ITIH2: variants seen among roughly 807,000 people sequenced by gnomAD.
The protein encoded by ITIH2 is inter-alpha-trypsin inhibitor heavy chain 2, also known as inter-alpha-trypsin inhibitor heavy chain H2.
Under a neutral mutation model 104.4 loss-of-function variants are expected in ITIH2, and 103 were observed. The ratio of observed to expected loss-of-function variants is 0.99; its 90% CI spans 0.84 to 1.16. The LOEUF is 1.16. Ranked by LOEUF, ITIH2 falls within the 50% of genes most tolerant of loss-of-function variation. The probability of loss-of-function intolerance (pLI) is 0.00; values close to 1 mark genes in which losing one functional copy is unlikely to be tolerated. For missense variants in ITIH2, 1,108 were observed against 1,162.4 expected (o/e 0.95, Z 0.68); for synonymous variants, 436 against 435.4 (o/e 1.00, Z -0.02).
intron 15 of ITIH2, among the ~76,000 whole-genome samples, chr10:7,738,417 C>A (rs1835092352): frequency 6.7e-6 from 1 of 149,708 alleles, no homozygotes; most frequent in Non-Finnish European, 1.5e-5. Context: ...TGCTCAGGTT[C>A]CAGACTCCAG....
chr10:7,744,091 T>C lies in ITIH2; in HGVS notation c.2219T>C (p.Val740Ala), dbSNP rs757817123. 1 of 1,613,792 alleles carries C rather than the reference T, an allele frequency of 6.2e-7. No homozygotes were observed. The highest frequency in any genetic ancestry group is 8.5e-7 in the Non-Finnish European group (1 of 1,179,782). The change falls in exon 18 of 21, where the codon GTC (valine) becomes GCC (alanine). Residue 740 changes from valine to alanine, a missense_variant. Physicochemically the swap from Val to Ala is moderately conservative, Grantham distance 64. Transcript: ENST00000358415. ...LVSDPESGIVVNGQLVGAKKP... is the reference protein window; with the variant it reads ...LVSDPESGIVANGQLVGAKKP... ...TTTTTCTTTCCTGTAGGAATTGTAG[T>C]CAACGGTCAGCTTGTTGGTGCCAAG...
chr10:7,706,946 A>T (rs749173920), intron 2 of ITIH2, among the ~76,000 whole-genome samples: 23 of 152,170 alleles, frequency 1.5e-4, no homozygotes, highest in Non-Finnish European at 3.2e-4. Flanking sequence ...TTTATTTAAA[A>T]ATTACTTGTT....
At chr10:7,721,090 T>C (rs1298850581) in intron 7 of ITIH2, 127 bp downstream of exon 7, 2 of 652,594 alleles carry the variant, frequency 3.1e-6, no homozygotes, top group Non-Finnish European at 5.5e-6. Context: ...GAAATGGGGA[T>C]CCCCAAGTAG....
At position 7,719,782 on chromosome 10, in the gene ITIH2, A is replaced by AAAAAAAC. The variant is rs754890159; in HGVS notation, c.631-1073_631-1072insAAAAACA. Among the ~76,000 whole-genome samples the AAAAAAAC allele has an allele frequency of 9.9e-4, 136 of 137,120 alleles. 3 individuals carry two copies. The highest frequency in any genetic ancestry group is 3.2e-3 in the African/African-American group (112 of 34,922). The allele number at this position is 137,120 out of a possible 152,430, so 90.0% of individuals were successfully genotyped here. On this transcript the variant is annotated intron_variant, in intron 6 of 20. Transcript: ENST00000358415. The stretch of plus-strand genomic sequence containing the variant: ...TCTCAAAAAAAAAAAAAAAAAAAAA[A>AAAAAAAC]AGAAAGAAAGAAAAGAAAAAATAGC...
At chr10:7,733,166 T>A (rs1416008894) in intron 14 of ITIH2, among the ~76,000 whole-genome samples, 1 of 152,168 alleles carries the variant, frequency 6.6e-6, no homozygotes, top group Admixed American at 6.5e-5. Context: ...ACTCTTTCAA[T>A]GTCTGTGATC....
chr10:7,717,672 C>G lies in ITIH2; in HGVS notation c.514C>G (p.Leu172Val). The part of the protein sequence containing the change: ...MENFRTEVNV[L>V]PGAKVQFELH... ...AAACTTCAGAACGGAAGTAAATGTC[C>G]TCCCAGGAGCAAAGGTGCAGTTCGA... Residue 172 changes from leucine (L) to valine (V), a missense_variant, in exon 6 of 21, where the codon CTC becomes GTC. Physicochemically the swap from Leu to Val is conservative, Grantham distance 32. Coordinates refer to ENST00000358415, the MANE Select transcript of ITIH2 (RefSeq NM_002216.3). 1 of 1,613,882 alleles carries G rather than the reference C, an allele frequency of 6.2e-7. No homozygotes were observed. Among genetic ancestry groups the G allele is most frequent in the Non-Finnish European group, 8.5e-7 (1 of 1,179,954 alleles).
intron 12 of ITIH2, 62 bp downstream of exon 12, chr10:7,730,195 G>GC: frequency 3.2e-6 from 4 of 1,245,148 alleles, no homozygotes; most frequent in Non-Finnish European, 4.5e-6. Context: ...ACCCATATCT[G>GC]ATGCAGGTAT....
chr10:7,747,410 G>A (rs567360596), intron 20 of ITIH2, among the ~76,000 whole-genome samples: 30 of 152,246 alleles, frequency 2.0e-4, no homozygotes, highest in Non-Finnish European at 3.4e-4. Flanking sequence ...AATTGTAGTC[G>A]GAAGTATTGC....
At chr10:7,717,447 T>A (rs2130944216) in intron 5 of ITIH2, among the ~76,000 whole-genome samples, 179 bp from the exon 6 acceptor site, 1 of 152,318 alleles carries the variant, frequency 6.6e-6, no homozygotes, top group South Asian at 2.1e-4. Context: ...ACTGAAGCTC[T>A]TGTTGGGATT....
At chr10:7,721,307 G>C (rs1054258776) in intron 7 of ITIH2, among the ~76,000 whole-genome samples, 1 of 152,136 alleles carries the variant, frequency 6.6e-6, no homozygotes, top group Non-Finnish European at 1.5e-5. Flanking sequence ...AATGACCAGC[G>C]ATAACCAACT....
In ITIH2 at chr10:7,707,271, TC is replaced by T. The variant is rs769889727; in HGVS notation, c.192+40del. On this transcript the variant is annotated intron_variant, in intron 3 of 20. Transcript: ENST00000358415. ...GATGTTGTTACAGATTGAATGATTT[TC>T]CTGTTAATAATTACCAGGAAATCAA... 2.7e-6 allele frequency: 4 copies of T among 1,497,150 alleles called. No homozygotes were observed. In the South Asian group the frequency reaches 4.6e-5, roughly 17 times the overall value. The allele number at this position is 1,497,150 out of a possible 1,614,324, so 92.7% of individuals were successfully genotyped here. A position where few individuals can be genotyped will look rare whatever the true frequency, so the allele number is the denominator to read the frequency against.
intron 6 of ITIH2, among the ~76,000 whole-genome samples, chr10:7,718,273 C>G (rs1359337884): frequency 6.6e-6 from 1 of 152,200 alleles, no homozygotes; most frequent in African/African-American, 2.4e-5. Context: ...CTGCCTTTCT[C>G]TCACAAGAAC....
chr10:7,741,735 G>C (rs1835126512), intron 16 of ITIH2, among the ~76,000 whole-genome samples: 1 of 60,950 alleles, frequency 1.6e-5, no homozygotes, highest in Admixed American at 2.5e-4. Context: ...ACAGAATAAA[G>C]GCCCATTCTT....
chr10:7,726,843 C>A, intron 9 of ITIH2, 107 bp from the exon 10 acceptor site: 2 of 975,448 alleles, frequency 2.1e-6, no homozygotes, highest in Non-Finnish European at 3.0e-6. Context: ...AGAAGTTTAG[C>A]TTGAGAAGAA....
intron 4 of ITIH2, among the ~76,000 whole-genome samples, chr10:7,710,742 T>G (rs1442202328): frequency 6.6e-6 from 1 of 152,156 alleles, no homozygotes; most frequent in Non-Finnish European, 1.5e-5. Flanking sequence ...GGCTTTAAAA[T>G]GTATCACTTT....
At chr10:7,737,678 T>TATATTCTATA (rs754418959) in intron 15 of ITIH2, among the ~76,000 whole-genome samples, 10 of 15,656 alleles carry the variant, frequency 6.4e-4, no homozygotes, top group Admixed American at 3.6e-3. Context: ...TATTCTATAT[T>TATATTCTATA]TTCTATATTA....
Position 7,735,024 on chromosome 10 carries a change from C to A in ITIH2, c.1890C>A (p.Ile630=), listed in dbSNP as rs745829511. ...TGACTCCGCTGACCTCGCTGGTGAT[C>A]GAGAACGAGGCTGGGGATGAGCGCA... The part of the protein sequence containing the change: ...HIVTPLTSLV[I]ENEAGDERML... The change falls in exon 15 of 21, where the codon ATC becomes ATA. Residue 630 remains isoleucine, a synonymous_variant. Transcript: ENST00000358415. 4 of 1,613,636 alleles carry A rather than the reference C, an allele frequency of 2.5e-6. No individual in the cohort carries two copies. Among genetic ancestry groups the A allele is most frequent in the Admixed American group, 3.3e-5 (2 of 60,032 alleles).
intron 6 of ITIH2, among the ~76,000 whole-genome samples, chr10:7,720,594 A>G (rs1358458150): frequency 6.6e-6 from 1 of 152,168 alleles, no homozygotes; most frequent in African/African-American, 2.4e-5. Context: ...AAAGACTCGA[A>G]TAGAATGAGG....
intron 14 of ITIH2, among the ~76,000 whole-genome samples, chr10:7,733,338 C>G (rs1006966337): frequency 6.6e-6 from 1 of 152,212 alleles, no homozygotes; most frequent in Non-Finnish European, 1.5e-5. Flanking sequence ...CCTCATGACC[C>G]GCCTGCCTCG....
Sources: gnomAD v4.1 joint callset for allele counts (sites outside exome capture counted in the v4.1 genomes callset) on GRCh38, gnomAD v4.1.1 for gene constraint, MANE v1.5 for transcripts, NCBI Gene and HGNC (gene_info 2026-07-23, HGNC 2026-07-21) for gene names.